The following JAZF1 variants were observed in gnomAD, a reference collection of about 807,000 sequenced individuals.
The protein encoded by JAZF1 is juxtaposed with another zinc finger protein 1.
JAZF1 carries 8 observed loss-of-function variants against 26.4 expected under a neutral mutation model. The observed-to-expected ratio is 0.30, with a 90% CI of 0.18 to 0.55. The LOEUF (loss-of-function observed/expected upper bound fraction) is 0.55. Ranked by LOEUF, JAZF1 falls within the 20% of genes least tolerant of loss-of-function variation. JAZF1 has a pLI of 0.94. For missense variants in JAZF1, 199 were observed against 322.0 expected (o/e 0.62, Z 2.92); for synonymous variants, 126 against 122.3 (o/e 1.03, Z -0.20).
At chr7:28,177,138 G>C (rs1473060977) in intron 1 of JAZF1, among the ~76,000 whole-genome samples, 1 of 152,162 alleles carries the variant, frequency 6.6e-6, no homozygotes. Context: ...GTGGGGATGG[G>C]GGAGAGTTTT....
intron 3 of JAZF1, among the ~76,000 whole-genome samples, chr7:27,867,456 C>T (rs1219004201): frequency 6.6e-6 from 1 of 152,238 alleles, no homozygotes. Flanking sequence ...GGGGAAACTA[C>T]AGCCTGTGCC....
intron 3 of JAZF1, chr7:27,842,150 G>T (rs1171966904): frequency 6.6e-6 from 1 of 152,202 alleles, no homozygotes; most frequent in Admixed American, 6.5e-5. Flanking sequence ...AAAGTTGAAA[G>T]GAGCCAGGAA....
At chr7:28,169,890 T>C (rs1490160224) in intron 1 of JAZF1, among the ~76,000 whole-genome samples, 1 of 152,134 alleles carries the variant, frequency 6.6e-6, no homozygotes, top group Non-Finnish European at 1.5e-5. Flanking sequence ...CTAAATGAAT[T>C]AGGTAAGAAA....
At chr7:28,179,522 C>G (rs1783601202) in intron 1 of JAZF1, among the ~76,000 whole-genome samples, 1 of 151,952 alleles carries the variant, frequency 6.6e-6, no homozygotes, top group Non-Finnish European at 1.5e-5. Flanking sequence ...AAAGGCAAAT[C>G]GCAGAGCCGG....
chr7:28,107,571 T>C (rs974455648), intron 1 of JAZF1, among the ~76,000 whole-genome samples: 3 of 152,132 alleles, frequency 2.0e-5, no homozygotes, highest in African/African-American at 7.2e-5. Flanking sequence ...AAAATTACAC[T>C]GTAGCTATCT....
chr7:27,845,269 T>C (rs1782998132), intron 3 of JAZF1, among the ~76,000 whole-genome samples: 1 of 152,192 alleles, frequency 6.6e-6, no homozygotes. Context: ...GTGGAGACAC[T>C]GGCAGATGTC....
intron 2 of JAZF1, among the ~76,000 whole-genome samples, chr7:27,940,777 C>T (rs941640818): frequency 6.6e-6 from 1 of 152,168 alleles, no homozygotes; most frequent in East Asian, 1.9e-4. Flanking sequence ...ACAAACTGCA[C>T]ATTTACTGTG....
chr7:28,089,905 C>T (rs1159133048), intron 1 of JAZF1, among the ~76,000 whole-genome samples: 4 of 152,116 alleles, frequency 2.6e-5, no homozygotes, highest in African/African-American at 7.2e-5. Flanking sequence ...TTCCTGACTA[C>T]ATATAGTAAA....
chr7:27,977,333 G>A (rs570409914), intron 2 of JAZF1, among the ~76,000 whole-genome samples: 2 of 152,244 alleles, frequency 1.3e-5, no homozygotes, highest in African/African-American at 2.4e-5. Flanking sequence ...AGCCCAAAAC[G>A]TTTCCCAAGA....
chr7:27,833,164 C>T lies in JAZF1; in HGVS notation c.556-188G>A, dbSNP rs532733424. ...GTCGGTCATGGGCTGTACGGATGGT[C>T]ACACACACAGCTGACTCAAAATTTC... On this transcript the variant is annotated intron_variant, in intron 4 of 4. Transcript: ENST00000283928. 510 of 379,466 alleles carry T rather than the reference C, an allele frequency of 1.3e-3. 1 individual carries two copies. Among genetic ancestry groups the T allele is most frequent in the Non-Finnish European group, 2.1e-3 (449 of 213,108 alleles). The allele number at this position is 379,466 out of a possible 1,614,324, so 23.5% of individuals were successfully genotyped here.
At chr7:27,914,598 C>G in intron 2 of JAZF1, 1 of 373,890 alleles carries the variant, frequency 2.7e-6, no homozygotes, top group Non-Finnish European at 5.5e-6. Flanking sequence ...CCTCACATCC[C>G]TTACTAAAAA....
At chr7:27,965,217 A>T (rs958194755) in intron 2 of JAZF1, among the ~76,000 whole-genome samples, 14 of 152,236 alleles carry the variant, frequency 9.2e-5, no homozygotes, top group Non-Finnish European at 2.9e-5. Flanking sequence ...TACACCCAAC[A>T]TACTTTATTC....
chr7:27,918,951 T>C (rs1385007332), intron 2 of JAZF1, among the ~76,000 whole-genome samples: 1 of 152,194 alleles, frequency 6.6e-6, no homozygotes, highest in Non-Finnish European at 1.5e-5. Flanking sequence ...TTAACACCAA[T>C]AACCTAAACA....
At chr7:28,098,641 C>T (rs1221117089) in intron 1 of JAZF1, among the ~76,000 whole-genome samples, 1 of 152,190 alleles carries the variant, frequency 6.6e-6, no homozygotes, top group East Asian at 1.9e-4. Context: ...CCTTTGAACT[C>T]TGGGATGCCT....
intron 2 of JAZF1, among the ~76,000 whole-genome samples, chr7:27,975,833 G>A (rs1431510995): frequency 6.6e-6 from 1 of 152,204 alleles, no homozygotes; most frequent in African/African-American, 2.4e-5. Flanking sequence ...GATTTCAATT[G>A]TATAAGCAAC....
intron 1 of JAZF1, among the ~76,000 whole-genome samples, chr7:28,021,257 T>C (rs1422506003): frequency 1.3e-5 from 2 of 151,958 alleles, no homozygotes; most frequent in African/African-American, 4.8e-5. Flanking sequence ...GTGGGGCAAA[T>C]AAAGTTGTGC....
At chr7:27,870,592 T>G (rs1292915895) in intron 3 of JAZF1, among the ~76,000 whole-genome samples, 1 of 152,080 alleles carries the variant, frequency 6.6e-6, no homozygotes, top group Non-Finnish European at 1.5e-5. Flanking sequence ...CAACCTCCCC[T>G]CTTACAGAGG....
At chr7:28,053,737 C>T (rs577232970) in intron 1 of JAZF1, among the ~76,000 whole-genome samples, 4 of 152,204 alleles carry the variant, frequency 2.6e-5, no homozygotes, top group African/African-American at 7.2e-5. Flanking sequence ...ATAACACTGG[C>T]ACTTGGCTTT....
chr7:28,153,634 C>T (rs1202123148), intron 1 of JAZF1, among the ~76,000 whole-genome samples: 1 of 152,172 alleles, frequency 6.6e-6, no homozygotes, highest in Admixed American at 6.5e-5. Flanking sequence ...CTTGACAGCC[C>T]TCCTCATATC....
Sources: gnomAD v4.1 joint callset for allele counts (sites outside exome capture counted in the v4.1 genomes callset) on GRCh38, gnomAD v4.1.1 for gene constraint, MANE v1.5 for transcripts, NCBI Gene and HGNC (gene_info 2026-07-23, HGNC 2026-07-21) for gene names.